The following EPHA2 variants were observed in gnomAD, a reference collection of about 807,000 sequenced individuals.
EPHA2 encodes ephrin type-A receptor 2.
A neutral mutation model predicts 104.9 loss-of-function variants in EPHA2; 54 were observed. The observed-to-expected ratio is 0.51, with a 90% CI of 0.41 to 0.65. The LOEUF (loss-of-function observed/expected upper bound fraction) is 0.65, where lower values mean the gene tolerates loss of function less well. EPHA2 is among the 30% of genes least tolerant of loss of function. The pLI is 0.00. For missense variants in EPHA2, 1,117 were observed against 1,369.5 expected (o/e 0.82, Z 2.91); for synonymous variants, 560 against 559.1 (o/e 1.00, Z -0.02).
chr1:16,144,866 G>A (rs532650572), intron 3 of EPHA2, among the ~76,000 whole-genome samples: 1 of 152,362 alleles, frequency 6.6e-6, no homozygotes, highest in East Asian at 1.9e-4. Context: ...GTAAAATGGG[G>A]ATCAAGTCCT....
chr1:16,132,797 AGAG>A (rs138371961), intron 11 of EPHA2, among the ~76,000 whole-genome samples: 4 of 118,856 alleles, frequency 3.4e-5, no homozygotes, highest in African/African-American at 1.4e-4. Context: ...GCACAGGTGT[AGAG>A]GAGGTGGGTA....
intron 1 of EPHA2, 165 bp downstream of exon 1, chr1:16,155,683 G>T: frequency 2.0e-6 from 1 of 499,668 alleles, no homozygotes. Context: ...ACCCCGGGTG[G>T]GGGCCAGGGC....
chr1:16,155,707 A>G, intron 1 of EPHA2, 141 bp downstream of exon 1: 1 of 624,374 alleles, frequency 1.6e-6, no homozygotes. Context: ...CCTCGATCGC[A>G]GCCCGTGCGC....
chr1:16,132,604 T>G (rs1353013683), intron 11 of EPHA2, among the ~76,000 whole-genome samples, 165 bp from the exon 12 acceptor site: 23 of 90,434 alleles, frequency 2.5e-4, no homozygotes, highest in South Asian at 3.7e-4. Context: ...GGGAGAGGTG[T>G]GGGGAAAGCT....
At chr1:16,149,513 T>C (rs1027856795) in intron 2 of EPHA2, among the ~76,000 whole-genome samples, 1 of 152,222 alleles carries the variant, frequency 6.6e-6, no homozygotes, top group Non-Finnish European at 1.5e-5. Flanking sequence ...TGCACCCATG[T>C]GTGTTGGCAA....
chr1:16,129,276 C>T lies in EPHA2; in HGVS notation c.2825+158G>A, dbSNP rs867733076. ...GGCACCCAGAGCTGCCAGCTGCTGGCGGAGTTCTGCCCTTCTCTTCCAAGG... is the reference window on the plus strand; with the variant it reads ...GGCACCCAGAGCTGCCAGCTGCTGGTGGAGTTCTGCCCTTCTCTTCCAAGG... On this transcript the variant is annotated intron_variant, in intron 16 of 16. Coordinates refer to ENST00000358432, the MANE Select transcript of EPHA2 (RefSeq NM_004431.5). Among the ~76,000 whole-genome samples the T allele has an allele frequency of 3.3e-5, 5 of 151,818 alleles. No homozygotes were observed. In the East Asian group the frequency reaches 5.9e-4, roughly 18 times the overall value.
chr1:16,138,423 C>T lies in EPHA2; in HGVS notation c.831G>A (p.Ser277=), dbSNP rs149811213. The part of the protein sequence containing the change: ...EKVEDACQAC[S]PGFFKFEASE... The stretch of plus-strand genomic sequence containing the variant: ...ATGCCTCAAACTTAAAAAATCCAGG[C>T]GAGCAGGCTGGTGGACACAGGACAG... The change falls in exon 4 of 17, where the codon TCG becomes TCA. Residue 277 remains serine, a synonymous_variant. Coordinates refer to ENST00000358432, the MANE Select transcript of EPHA2 (RefSeq NM_004431.5). The T allele has an allele frequency of 1.2e-4, 190 of 1,613,644 alleles. No individual in the cohort carries two copies. Among genetic ancestry groups the T allele is most frequent in the South Asian group, 8.9e-4 (81 of 91,088 alleles).
At position 16,134,966 on chromosome 1, in the gene EPHA2, T is replaced by C. The variant is rs989618170; in HGVS notation, c.1582+70A>G. On this transcript the variant is annotated intron_variant, in intron 7 of 16. Coordinates refer to ENST00000358432, the MANE Select transcript of EPHA2 (RefSeq NM_004431.5). The surrounding 1 kb of genome is among the most constrained non-coding windows in gnomAD (Gnocchi z 4.5). ...TTTCTAAGTTATTTGATTCACTTCC[T>C]TTCCCAAGATGTCTCAATTGCTTGG... 19 of 1,593,450 alleles carry C rather than the reference T, an allele frequency of 1.2e-5. No individual in the cohort carries two copies. In the East Asian group the frequency reaches 4.0e-4, roughly 34 times the overall value.
chr1:16,135,072 C>T lies in EPHA2; in HGVS notation c.1546G>A (p.Gly516Arg). ...QVQALTQEGQ[G>R]AGSKVHEFQT... ...AATTCGTGCACCTTGCTGCCGGCCC[C>T]CTGGCCCTCCTGCGTCAGTGCCTGC... Residue 516 changes from glycine (G) to arginine (R), a missense_variant, in exon 7 of 17, where the codon GGG (glycine) becomes AGG (arginine). Physicochemically the swap from Gly to Arg is moderately radical, Grantham distance 125 (BLOSUM62 -2). Coordinates refer to ENST00000358432, the MANE Select transcript of EPHA2 (RefSeq NM_004431.5). This position sits in a 1 kb window ranked among gnomAD's most constrained non-coding sequence, Gnocchi z 4.3. The T allele has an allele frequency of 6.2e-7, 1 of 1,613,690 alleles. No homozygotes were observed. Among genetic ancestry groups the T allele is most frequent in the Non-Finnish European group, 8.5e-7 (1 of 1,180,040 alleles).
Position 16,129,680 on chromosome 1 carries a change from C to T in EPHA2, c.2670-91G>A, listed in dbSNP as rs751278106. On this transcript the variant is annotated intron_variant, in intron 15 of 16. Coordinates refer to ENST00000358432, the MANE Select transcript of EPHA2 (RefSeq NM_004431.5). ...TGCTCCCTAACCTGGATGATTGACT[C>T]GGCTGCCCCGTGCCTCCGTCTCCTT... 19 of 1,473,834 alleles carry T rather than the reference C, an allele frequency of 1.3e-5. No homozygotes were observed. In the South Asian group the frequency reaches 2.2e-4, roughly 17 times the overall value. 91.3% of individuals were successfully genotyped at this position (1,473,834 alleles called of 1,614,324 possible).
At chr1:16,133,439 C>T (rs761587658) in intron 10 of EPHA2, 42 bp downstream of exon 10, 47 of 1,613,940 alleles carry the variant, frequency 2.9e-5, no homozygotes, top group Non-Finnish European at 3.6e-5. Flanking sequence ...TGTGTCACCA[C>T]CGCTGCCTCC....
intron 16 of EPHA2, among the ~76,000 whole-genome samples, chr1:16,127,761 G>T (rs949538862): frequency 1.3e-5 from 2 of 152,168 alleles, no homozygotes; most frequent in Admixed American, 6.5e-5. Context: ...GGGTGGTGGG[G>T]GGCGCCGAAT....
chr1:16,137,823 T>C (rs1189767246), intron 5 of EPHA2, 30 bp downstream of exon 5: 5 of 1,612,480 alleles, frequency 3.1e-6, no homozygotes, highest in Non-Finnish European at 4.2e-6. Flanking sequence ...GCAGGCCCCA[T>C]AGGGCACAGC....
In EPHA2 at chr1:16,133,899, C is replaced by A. The variant is rs1310734136; in HGVS notation, c.1699G>T (p.Ala567Ser). 1 of 1,550,428 alleles carries A rather than the reference C, an allele frequency of 6.4e-7. No individual in the cohort carries two copies. Among genetic ancestry groups the A allele is most frequent in the African/African-American group, 1.4e-5 (1 of 73,146 alleles). The stretch of plus-strand genomic sequence containing the variant: ...TAAACGTCCTCCGGGGACTGGCGGG[C>A]ACGCTGGTTCTTCCTCCTGAAAGAG... ...FIHRRRKNQR[A>S]RQSPEDVYFS... The change falls in exon 9 of 17, where the codon GCC becomes TCC. Residue 567 changes from alanine (A) to serine (S), a missense_variant. Physicochemically the swap from Ala to Ser is moderately conservative, Grantham distance 99. Transcript: ENST00000358432.
Position 16,134,564 on chromosome 1 carries a change from G to C in EPHA2, c.1586C>G (p.Pro529Arg). Residue 529 changes from proline (P) to arginine (R), a missense_variant, in exon 8 of 17, where the codon CCG (proline) becomes CGG (arginine). By Grantham distance (103) the Pro-to-Arg change is moderately radical. Coordinates refer to ENST00000358432, the MANE Select transcript of EPHA2 (RefSeq NM_004431.5). This position sits in a 1 kb window ranked among gnomAD's most constrained non-coding sequence, Gnocchi z 4.5. ...SKVHEFQTLS[P>R]EGSGNLAVIG... Reference sequence around the variant, plus strand: ...CACCGCCAAGTTGCCAGATCCCTCCGGGGCTGGTGGAAGAAATCAGCTGAT... The same window carrying C: ...CACCGCCAAGTTGCCAGATCCCTCCCGGGCTGGTGGAAGAAATCAGCTGAT... The C allele has an allele frequency of 6.2e-7, 1 of 1,613,948 alleles. No homozygotes were observed. Among genetic ancestry groups the C allele is most frequent in the Non-Finnish European group, 8.5e-7 (1 of 1,179,980 alleles).
rs1397524233 is a variant in EPHA2, at chr1:16,125,495, C to T, written c.2826-175G>A. ...GGCAAGAGAGCTCTGGTTAGGTAGG[C>T]CTGGGAGAAGGAGCCACAGCCTAGA... On this transcript the variant is annotated intron_variant, in intron 16 of 16. Coordinates refer to ENST00000358432, the MANE Select transcript of EPHA2 (RefSeq NM_004431.5). This position sits in a 1 kb window ranked among gnomAD's most constrained non-coding sequence, Gnocchi z 4.9. 6.6e-6 allele frequency among the ~76,000 whole-genome samples: 1 copy of T among 151,848 alleles called. No homozygotes were observed. Among genetic ancestry groups the T allele is most frequent in the Non-Finnish European group, 1.5e-5 (1 of 67,966 alleles).
At position 16,150,494 on chromosome 1, in the gene EPHA2, C is replaced by G. The variant is rs928024684; in HGVS notation, c.153+402G>C. On this transcript the variant is annotated intron_variant, in intron 2 of 16. Coordinates refer to ENST00000358432, the MANE Select transcript of EPHA2 (RefSeq NM_004431.5). This position sits in a 1 kb window ranked among gnomAD's most constrained non-coding sequence, Gnocchi z 4.8. ...TTGATCAGGTTTTCCTGTTCCCTGT[C>G]TCTTCTTCACCCCTCACCTCCTGGG... 6.6e-6 allele frequency among the ~76,000 whole-genome samples: 1 copy of G among 152,200 alleles called. No individual in the cohort carries two copies. Among genetic ancestry groups the G allele is most frequent in the Non-Finnish European group, 1.5e-5 (1 of 68,032 alleles).
intron 5 of EPHA2, 67 bp downstream of exon 5, chr1:16,137,786 T>C (rs2024742343): frequency 6.3e-7 from 1 of 1,591,248 alleles, no homozygotes; most frequent in East Asian, 2.2e-5. Flanking sequence ...GAGCCCCAGA[T>C]GGCCGTCCTC....
Position 16,131,601 on chromosome 1 carries a change from T to C in EPHA2, c.2475+120A>G. 8 of 1,408,628 alleles carry C rather than the reference T, an allele frequency of 5.7e-6. No individual in the cohort carries two copies. The South Asian group carries it at 6.5e-5, about 12-fold the overall frequency. The allele number at this position is 1,408,628 out of a possible 1,614,324, so 87.3% of individuals were successfully genotyped here. On this transcript the variant is annotated intron_variant, in intron 14 of 16. Coordinates refer to ENST00000358432, the MANE Select transcript of EPHA2 (RefSeq NM_004431.5). This position sits in a 1 kb window ranked among gnomAD's most constrained non-coding sequence, Gnocchi z 5.2. ...GTCTCCAAAAAAAAAAAATAAACAT[T>C]TATGGAGCAAGCCTAAGAAGGTTCA...
Sources: allele counts gnomAD v4.1 joint callset (sites outside exome capture counted in the v4.1 genomes callset), GRCh38; gene constraint gnomAD v4.1.1; non-coding constraint Gnocchi (gnomAD v3.1); transcripts MANE v1.5; gene names NCBI Gene and HGNC (gene_info 2026-07-23, HGNC 2026-07-21).